Variants in CFAP70 observed in about 807,000 individuals in gnomAD.
CFAP70 encodes cilia- and flagella-associated protein 70.
In CFAP70, 81 loss-of-function variants were observed where a neutral mutation model predicts 137.6. The ratio of observed to expected loss-of-function variants is 0.59; its 90% confidence interval spans 0.49 to 0.71. CFAP70 has a LOEUF of 0.71. CFAP70 is among the 30% of genes least tolerant of loss of function. The pLI, the probability that CFAP70 is intolerant of heterozygous loss-of-function variation, is 0.00. For missense variants in CFAP70, 976 were observed against 1,226.7 expected (o/e 0.80, Z 3.05); for synonymous variants, 382 against 423.6 (o/e 0.90, Z 1.20).
intron 9 of CFAP70, among the ~76,000 whole-genome samples, chr10:73,314,041 C>T (rs1291662078): frequency 1.3e-5 from 2 of 152,074 alleles, no homozygotes; most frequent in African/African-American, 4.8e-5. Context: ...CAATTTTTCC[C>T]TAAAAATTCT....
chr10:73,292,343 C>T (rs897298146), intron 16 of CFAP70, among the ~76,000 whole-genome samples: 2 of 152,146 alleles, frequency 1.3e-5, no homozygotes, highest in Non-Finnish European at 2.9e-5. Context: ...ATAATTTCTG[C>T]AGTAATCTTC....
chr10:73,359,594 CTCTT>C (rs922482188), upstream of CFAP70, among the ~76,000 whole-genome samples: 10 of 152,104 alleles, frequency 6.6e-5, no homozygotes, highest in Non-Finnish European at 1.3e-4. Context: ...AAAAGGAAAA[CTCTT>C]TCAAAGTAGG....
chr10:73,285,780 G>A (rs1246722516), intron 19 of CFAP70, among the ~76,000 whole-genome samples: 6 of 151,626 alleles, frequency 4.0e-5, no homozygotes, highest in South Asian at 4.2e-4. Flanking sequence ...GATTACAGGC[G>A]CCCACCACCA....
intron 19 of CFAP70, among the ~76,000 whole-genome samples, chr10:73,288,363 C>T (rs1214207422): frequency 1.3e-5 from 2 of 152,072 alleles, no homozygotes; most frequent in African/African-American, 4.8e-5. Flanking sequence ...AGTGGCTCAG[C>T]AGAGAATAGT....
chr10:73,289,134 T>C (rs908730255), intron 19 of CFAP70, among the ~76,000 whole-genome samples: 3 of 152,088 alleles, frequency 2.0e-5, no homozygotes, highest in Admixed American at 6.6e-5. Context: ...TTATATTAAA[T>C]CCAGGCTAAT....
intron 19 of CFAP70, among the ~76,000 whole-genome samples, chr10:73,284,638 T>C (rs983797387): frequency 2.0e-5 from 3 of 147,594 alleles, no homozygotes; most frequent in Non-Finnish European, 3.0e-5. Flanking sequence ...TTTTGACTTA[T>C]CTATAGTGTA....
chr10:73,323,779 T>C (rs7897661), intron 8 of CFAP70, among the ~76,000 whole-genome samples: 16,087 of 151,924 alleles, frequency 0.11, 1,233 homozygotes, highest in East Asian at 0.31. Flanking sequence ...GGGGGAGGGG[T>C]GCCCCCCATT....
At chr10:73,348,340 A>G in intron 4 of CFAP70, 83 bp downstream of exon 4, 2 of 1,519,144 alleles carry the variant, frequency 1.3e-6, no homozygotes, top group South Asian at 2.2e-5. Flanking sequence ...CCTCAAATTC[A>G]TTGAGGCTAA....
At chr10:73,296,784 C>T (rs1228306260) in intron 15 of CFAP70, 5 of 266,872 alleles carry the variant, frequency 1.9e-5, no homozygotes. Flanking sequence ...CTATTTTTGA[C>T]AATTCCATCA....
intron 2 of CFAP70, among the ~76,000 whole-genome samples, 176 bp from the exon 3 acceptor site, chr10:73,353,918 A>T (rs987666588): frequency 2.0e-5 from 3 of 152,264 alleles, no homozygotes; most frequent in Admixed American, 1.3e-4. Context: ...GTTTTACTTA[A>T]ATGCAACATT....
intron 9 of CFAP70, among the ~76,000 whole-genome samples, chr10:73,320,967 T>A (rs2050802152): frequency 6.6e-6 from 1 of 152,182 alleles, no homozygotes; most frequent in Non-Finnish European, 1.5e-5. Context: ...AAGTATTATT[T>A]TTAATGGCTA....
intron 19 of CFAP70, among the ~76,000 whole-genome samples, chr10:73,281,847 C>T (rs1427230385): frequency 2.0e-5 from 3 of 152,120 alleles, no homozygotes; most frequent in African/African-American, 4.8e-5. Flanking sequence ...TGCAGCAACA[C>T]GGATGCAGCT....
chr10:73,259,457 C>T (rs1268318838), intron 25 of CFAP70, among the ~76,000 whole-genome samples: 4 of 152,064 alleles, frequency 2.6e-5, no homozygotes, highest in Non-Finnish European at 5.9e-5. Flanking sequence ...CCATGCCCCT[C>T]CCCCTCCTTT....
At chr10:73,324,791 G>A (rs1031688879) in intron 8 of CFAP70, among the ~76,000 whole-genome samples, 4 of 152,056 alleles carry the variant, frequency 2.6e-5, no homozygotes, top group Non-Finnish European at 5.9e-5. Context: ...AGAGAAAAAA[G>A]AATAAAAAGA....
intron 8 of CFAP70, among the ~76,000 whole-genome samples, chr10:73,330,783 T>C (rs2051992657): frequency 6.6e-6 from 1 of 152,150 alleles, no homozygotes; most frequent in African/African-American, 2.4e-5. Context: ...ATCAAAGCTA[T>C]ACCTTTTAAA....
intron 3 of CFAP70, 34 bp downstream of exon 3, chr10:73,353,522 C>A: frequency 6.3e-7 from 1 of 1,588,754 alleles, no homozygotes. Context: ...AGAAGGCAAT[C>A]GGGACATTGA....
intron 24 of CFAP70, among the ~76,000 whole-genome samples, chr10:73,270,402 C>A (rs575707358): frequency 2.7e-5 from 4 of 150,920 alleles, no homozygotes; most frequent in African/African-American, 7.3e-5. Flanking sequence ...TTTTTCTTTT[C>A]TTTTCTCTTT....
chr10:73,278,397 T>C (rs2046957974), intron 19 of CFAP70, 60 bp from the exon 21 acceptor site: 1 of 1,403,980 alleles, frequency 7.1e-7, no homozygotes. Flanking sequence ...TTAAAGGTTA[T>C]TGTAAGAGAT....
intron 19 of CFAP70, among the ~76,000 whole-genome samples, chr10:73,285,098 T>G (rs1441002028): frequency 6.6e-6 from 1 of 151,840 alleles, no homozygotes; most frequent in Non-Finnish European, 1.5e-5. Context: ...CTGAGACAAA[T>G]TAAATGGAAC....
Sources: gnomAD v4.1 joint callset for allele counts (sites outside exome capture counted in the v4.1 genomes callset) on GRCh38, gnomAD v4.1.1 for gene constraint, MANE v1.5 for transcripts, NCBI Gene and HGNC (gene_info 2026-07-23, HGNC 2026-07-21) for gene names.